The following FHIP2A variants were observed in gnomAD, a reference collection of about 807,000 sequenced individuals.
FHIP2A encodes FHF complex subunit HOOK interacting protein 2A.
In FHIP2A, 46 loss-of-function variants were observed where a neutral mutation model predicts 93.5. The observed-to-expected ratio is 0.49, with a 90% CI of 0.39 to 0.63. The LOEUF is 0.63. FHIP2A is among the 20% of genes least tolerant of loss of function. The probability of loss-of-function intolerance (pLI) is 0.00; values close to 1 mark genes in which losing one functional copy is unlikely to be tolerated. For synonymous variants in FHIP2A, 332 were observed against 326.5 expected, an observed-to-expected ratio of 1.02 and a Z score of -0.18; for missense variants, 769 against 909.7, an observed-to-expected ratio of 0.85 and a Z score of 1.99.
chr10:114,880,785 G>T (rs1258857782), intron 16 of FHIP2A, among the ~76,000 whole-genome samples: 2 of 150,778 alleles, frequency 1.3e-5, no homozygotes, highest in South Asian at 4.2e-4. Flanking sequence ...GAAGCACTCC[G>T]AGTGATTCTG....
chr10:114,869,894 A>G (rs1374841714), intron 16 of FHIP2A, among the ~76,000 whole-genome samples: 2 of 152,188 alleles, frequency 1.3e-5, no homozygotes, highest in East Asian at 3.8e-4. Flanking sequence ...ATTTATATTC[A>G]TTGAGCTGAG....
intron 5 of FHIP2A, among the ~76,000 whole-genome samples, chr10:114,839,920 T>A (rs2143010827): frequency 6.6e-6 from 1 of 150,942 alleles, no homozygotes; most frequent in South Asian, 2.1e-4. Context: ...ACAGTCTTTG[T>A]CCTAAAGGAG....
At chr10:114,888,182 G>C (rs2083952532) in intron 16 of FHIP2A, among the ~76,000 whole-genome samples, 1 of 152,170 alleles carries the variant, frequency 6.6e-6, no homozygotes, top group Non-Finnish European at 1.5e-5. Flanking sequence ...GGGTATGAAT[G>C]GCTTCTCAAG....
At position 114,875,567 on chromosome 10, in the gene FHIP2A, G is replaced by A. The variant is rs527807053; in HGVS notation, c.2192+14233G>A. Reference sequence around the variant, plus strand: ...AAAAGATAGCTGGGCATGATGGCGGGTGCCTGTATTCCCAGCTACTCAGGA... The same window carrying A: ...AAAAGATAGCTGGGCATGATGGCGGATGCCTGTATTCCCAGCTACTCAGGA... On this transcript the variant is annotated intron_variant, in intron 16 of 16. Coordinates refer to the FHIP2A transcript ENST00000369250. 7.9e-4 allele frequency among the ~76,000 whole-genome samples: 120 copies of A among 152,182 alleles called. 1 individual carries two copies. The South Asian group carries it at 0.025, about 31-fold the overall frequency.
chr10:114,845,557 A>G (rs2083695885), intron 8 of FHIP2A, 76 bp downstream of exon 8: 3 of 817,420 alleles, frequency 3.7e-6, no homozygotes, highest in Non-Finnish European at 5.9e-6. Flanking sequence ...TCCCTAATTT[A>G]TATCCCAAAT....
chr10:114,883,947 T>C (rs1314800361), intron 16 of FHIP2A, among the ~76,000 whole-genome samples: 1 of 152,158 alleles, frequency 6.6e-6, no homozygotes, highest in African/African-American at 2.4e-5. Flanking sequence ...TGTGACCAGA[T>C]AGTAAAGAGA....
At chr10:114,880,783 C>T (rs913404888) in intron 16 of FHIP2A, among the ~76,000 whole-genome samples, 3 of 149,712 alleles carry the variant, frequency 2.0e-5, no homozygotes, top group African/African-American at 4.9e-5. Flanking sequence ...AGGAAGCACT[C>T]CGAGTGATTC....
chr10:114,873,052 A>G (rs1040109856), intron 16 of FHIP2A, among the ~76,000 whole-genome samples: 2 of 152,228 alleles, frequency 1.3e-5, no homozygotes, highest in African/African-American at 4.8e-5. Flanking sequence ...CCACCTCTAA[A>G]GCTGGAGGAT....
rs1443837964 is a variant in FHIP2A at position 114,862,295 on chromosome 10, G to A, written c.*755G>A. Reference sequence around the variant, plus strand: ...GCAGTGTTCAATTTGCTCACCATTGGTAGTGTTTGCTAAAATTGTATTTTT... The same window carrying A: ...GCAGTGTTCAATTTGCTCACCATTGATAGTGTTTGCTAAAATTGTATTTTT... On this transcript the variant is annotated 3_prime_UTR_variant, in exon 17 of 17. Coordinates refer to ENST00000369248, the MANE Select transcript of FHIP2A (RefSeq NM_020940.4). The A allele has an allele frequency of 1.0e-6, 1 of 987,288 alleles. No individual in the cohort carries two copies. The highest frequency in any genetic ancestry group is 1.2e-6 in the Non-Finnish European group (1 of 830,106). 61.2% of individuals were successfully genotyped at this position (987,288 alleles called of 1,614,324 possible).
intron 7 of FHIP2A, among the ~76,000 whole-genome samples, chr10:114,844,319 A>T (rs1377806426): frequency 6.6e-6 from 1 of 152,114 alleles, no homozygotes; most frequent in Non-Finnish European, 1.5e-5. Flanking sequence ...AATCTCTTCT[A>T]CCTCATTCTT....
At chr10:114,845,966 C>A (rs989411364) in intron 8 of FHIP2A, 47 bp from the exon 9 acceptor site, 2 of 1,421,422 alleles carry the variant, frequency 1.4e-6, no homozygotes, top group South Asian at 1.2e-5. Flanking sequence ...ACAAATTAGT[C>A]TTTCTTTTAT....
At chr10:114,841,296 T>TG (rs2083667331) in intron 5 of FHIP2A, among the ~76,000 whole-genome samples, 1 of 149,952 alleles carries the variant, frequency 6.7e-6, no homozygotes, top group South Asian at 2.1e-4. Flanking sequence ...CCATTGGTTT[T>TG]TTTTTTTTTT....
At position 114,846,220 on chromosome 10, in the gene FHIP2A, C is replaced by T. The variant is rs746255992; in HGVS notation, c.1251C>T (p.Ile417=). 8 of 1,613,998 alleles carry T rather than the reference C, an allele frequency of 5.0e-6. No individual in the cohort carries two copies. The highest frequency in any genetic ancestry group is 2.2e-5 in the South Asian group (2 of 91,084). ...CATCCACTGCTCTGCTTCATCGCAT[C>T]GTTCGGCAAGTGACCTCTGATGTTT... is the stretch of plus-strand genomic sequence containing the variant. The part of the protein sequence containing the change: ...ILTSTALLHR[I]VRQVTSDVLL... The change falls in exon 10 of 17, where the codon ATC becomes ATT. Residue 417 remains isoleucine, a synonymous_variant. Coordinates refer to ENST00000369248, the MANE Select transcript of FHIP2A (RefSeq NM_020940.4).
intron 12 of FHIP2A, among the ~76,000 whole-genome samples, 191 bp downstream of exon 12, chr10:114,847,424 G>T (rs1346921631): frequency 6.6e-6 from 1 of 151,998 alleles, no homozygotes; most frequent in African/African-American, 2.4e-5. Context: ...AAGTAGCTGG[G>T]ATTACAGGCT....
intron 12 of FHIP2A, among the ~76,000 whole-genome samples, chr10:114,847,750 C>CTT (rs35185002): frequency 0.27 from 36,978 of 138,874 alleles, 5,588 homozygotes; most frequent in South Asian, 0.37. Flanking sequence ...CCTCCCCCAC[C>CTT]TTTTTTTTTT....
At chr10:114,888,628 G>A (rs2083954738) in intron 16 of FHIP2A, among the ~76,000 whole-genome samples, 2 of 151,972 alleles carry the variant, frequency 1.3e-5, no homozygotes, top group Admixed American at 1.3e-4. Flanking sequence ...TTTGAGACAG[G>A]TTCTTGCTCT....
intron 16 of FHIP2A, among the ~76,000 whole-genome samples, chr10:114,872,929 C>A (rs977286701): frequency 6.6e-6 from 1 of 152,218 alleles, no homozygotes; most frequent in Non-Finnish European, 1.5e-5. Context: ...AAACAGAAAC[C>A]ACACAAGGTA....
chr10:114,842,764 AATC>A lies in FHIP2A; in HGVS notation c.523-166_523-164del, dbSNP rs372283738. On this transcript the variant is annotated intron_variant, in intron 5 of 16. Transcript: ENST00000369248. ...GTGATAAACTCCTATGCAATGGTAA[AATC>A]ATTCTAAAACACAGTTTGTTAAAAG... Among the ~76,000 whole-genome samples, 528 of 152,346 alleles carry A rather than the reference AATC, an allele frequency of 3.5e-3. 2 individuals carry two copies. Among genetic ancestry groups the A allele is most frequent in the African/African-American group, 0.012 (504 of 41,578 alleles).
intron 5 of FHIP2A, among the ~76,000 whole-genome samples, chr10:114,838,163 G>A (rs1024860235): frequency 2.0e-5 from 3 of 152,162 alleles, no homozygotes; most frequent in African/African-American, 4.8e-5. Flanking sequence ...CCGTGTTGTC[G>A]TCAGCACTGG....
Sources: allele counts gnomAD v4.1 joint callset (sites outside exome capture counted in the v4.1 genomes callset), GRCh38; gene constraint gnomAD v4.1.1; transcripts MANE v1.5; gene names NCBI Gene and HGNC (gene_info 2026-07-23, HGNC 2026-07-21).